Variants in MTMR2 observed in about 807,000 individuals in gnomAD.
MTMR2 encodes myotubularin related protein 2.
In MTMR2, 55 loss-of-function variants were observed where a neutral mutation model predicts 86.9. The ratio of observed to expected loss-of-function variants is 0.63; its 90% CI spans 0.51 to 0.79. The LOEUF (loss-of-function observed/expected upper bound fraction) is 0.79. Ranked by LOEUF, MTMR2 falls within the 30% of genes least tolerant of loss-of-function variation. The pLI is 0.00. For missense variants in MTMR2, 659 were observed against 772.3 expected (o/e 0.85, Z 1.74); for synonymous variants, 241 against 266.8 (o/e 0.90, Z 0.94).
chr11:95,850,771 A>C (rs1370334179), intron 7 of MTMR2, 22 bp from the exon 8 acceptor site: 1 of 1,610,236 alleles, frequency 6.2e-7, no homozygotes, highest in South Asian at 1.1e-5. Flanking sequence ...ATGAAACATA[A>C]GACAAATTAC....
chr11:95,849,125 T>C (rs1565350811), intron 9 of MTMR2, among the ~76,000 whole-genome samples: 2 of 152,166 alleles, frequency 1.3e-5, no homozygotes, highest in African/African-American at 4.8e-5. Context: ...CCTCCTCCTA[T>C]AGATTTGGTC....
intron 2 of MTMR2, chr11:95,887,830 T>G (rs1395556536): frequency 6.9e-6 from 2 of 290,100 alleles, no homozygotes; most frequent in Non-Finnish European, 1.3e-5. Flanking sequence ...AGAACAACGC[T>G]TGGCACACAG....
chr11:95,862,141 TA>T (rs1328858732), intron 4 of MTMR2, 39 bp from the exon 5 acceptor site: 1 of 1,543,088 alleles, frequency 6.5e-7, no homozygotes, highest in Non-Finnish European at 8.9e-7. Context: ...ACTGAGCAAT[TA>T]ATACTGTCCA....
At chr11:95,873,651 T>TAGCAGCAAGAA (rs967483180) in intron 2 of MTMR2, among the ~76,000 whole-genome samples, 2 of 132,868 alleles carry the variant, frequency 1.5e-5, no homozygotes, top group African/African-American at 6.1e-5. Flanking sequence ...TTTTGAATGT[T>TAGCAGCAAGAA]TGCTCTTGCT....
At chr11:95,875,971 A>T (rs370581475) in intron 2 of MTMR2, among the ~76,000 whole-genome samples, 31 of 152,288 alleles carry the variant, frequency 2.0e-4, no homozygotes, top group Middle Eastern at 3.4e-3. Flanking sequence ...GTTTTGTCTC[A>T]GAGAAGTACC....
intron 12 of MTMR2, among the ~76,000 whole-genome samples, chr11:95,839,222 C>T (rs1481160344): frequency 1.3e-5 from 2 of 151,678 alleles, no homozygotes; most frequent in Non-Finnish European, 2.9e-5. Flanking sequence ...CTTACTAGGC[C>T]TTGATTTTTG....
chr11:95,923,814 G>A (rs1867024604), intron 1 of MTMR2, 61 bp downstream of exon 1: 1 of 1,529,380 alleles, frequency 6.5e-7, no homozygotes, highest in Admixed American at 2.0e-5. Flanking sequence ...CAATCCAGCA[G>A]GTCCCCGGCC....
At chr11:95,838,508 AT>A (rs1298092367) in intron 12 of MTMR2, among the ~76,000 whole-genome samples, 1 of 152,042 alleles carries the variant, frequency 6.6e-6, no homozygotes, top group Admixed American at 6.6e-5. Flanking sequence ...CACAAACAAC[AT>A]TAAGATTCTT....
chr11:95,887,116 T>A (rs758792575), intron 2 of MTMR2, among the ~76,000 whole-genome samples: 66 of 152,202 alleles, frequency 4.3e-4, no homozygotes, highest in Non-Finnish European at 7.9e-4. Context: ...TTTACAGATG[T>A]TGTCTTCTTG....
chr11:95,858,657 T>C, intron 5 of MTMR2, 25 bp from the exon 6 acceptor site: 1 of 1,409,210 alleles, frequency 7.1e-7, no homozygotes, highest in Non-Finnish European at 1.0e-6. Flanking sequence ...GGAACCAAGT[T>C]AATAATTGTT....
At chr11:95,866,013 T>C (rs1244489953) in intron 2 of MTMR2, among the ~76,000 whole-genome samples, 2 of 152,184 alleles carry the variant, frequency 1.3e-5, no homozygotes, top group Non-Finnish European at 2.9e-5. Flanking sequence ...CCGAAAGTGG[T>C]AATTAGTTCA....
At chr11:95,876,094 G>T (rs1168482299) in intron 2 of MTMR2, among the ~76,000 whole-genome samples, 1 of 152,196 alleles carries the variant, frequency 6.6e-6, no homozygotes, top group Non-Finnish European at 1.5e-5. Context: ...ATCTCCAGCT[G>T]CGTGCTGGGA....
intron 1 of MTMR2, among the ~76,000 whole-genome samples, chr11:95,914,705 C>T (rs1353276166): frequency 2.0e-5 from 3 of 152,118 alleles, no homozygotes; most frequent in Non-Finnish European, 4.4e-5. Context: ...AACTCATGTC[C>T]TTATCACTAC....
chr11:95,875,040 A>C (rs541630072), intron 2 of MTMR2, among the ~76,000 whole-genome samples: 6,471 of 151,796 alleles, frequency 0.043, 480 homozygotes, highest in African/African-American at 0.15. Flanking sequence ...TTTTTCCTTC[A>C]TTTCAACTTT....
chr11:95,896,276 C>T (rs758739084), intron 1 of MTMR2, among the ~76,000 whole-genome samples: 20 of 151,888 alleles, frequency 1.3e-4, no homozygotes, highest in Admixed American at 3.9e-4. Flanking sequence ...TCTCTTCTTA[C>T]GTATCTTTGC....
At position 95,862,274 on chromosome 11, in the gene MTMR2, G is replaced by A. The variant is rs142774695; in HGVS notation, c.355C>T (p.Arg119Trp). ...CAAAAATCTAATCTGACTCTTACCC[G>A]TTCCATGCTTTTGAAATATAACCTA... ...NYRLYFKSME[R>W]DPPFVLDASL... The change falls in exon 4 of 15, where the codon CGG becomes TGG. Residue 119 changes from arginine to tryptophan, a missense_variant and splice_region_variant. Around this residue, in one of 3 missense-constraint regions of MTMR2, gnomAD observed 387 missense variants for 526.3 expected, o/e 0.74. Coordinates refer to ENST00000346299, the MANE Select transcript of MTMR2 (RefSeq NM_016156.6). 1.7e-5 allele frequency: 28 copies of A among 1,613,136 alleles called. No individual in the cohort carries two copies. The highest frequency in any genetic ancestry group is 3.3e-5 in the South Asian group (3 of 91,062).
intron 1 of MTMR2, among the ~76,000 whole-genome samples, chr11:95,908,585 A>C (rs944661342): frequency 3.9e-5 from 6 of 152,158 alleles, no homozygotes; most frequent in African/African-American, 1.4e-4. Context: ...GCCCAACTTC[A>C]AACTATACTA....
chr11:95,863,457 T>C (rs1284783629), intron 3 of MTMR2, among the ~76,000 whole-genome samples: 5 of 152,198 alleles, frequency 3.3e-5, no homozygotes. Flanking sequence ...TAAACTACTT[T>C]TTTAAATCGT....
chr11:95,873,182 G>A (rs1160446218), intron 2 of MTMR2, among the ~76,000 whole-genome samples: 1 of 152,178 alleles, frequency 6.6e-6, no homozygotes, highest in Non-Finnish European at 1.5e-5. Flanking sequence ...AATAGTTTCA[G>A]AAGGAATGGT....
Sources: gnomAD v4.1 joint callset for allele counts (sites outside exome capture counted in the v4.1 genomes callset) on GRCh38, gnomAD v4.1.1 for gene constraint, gnomAD v4.1.1 regional missense constraint, MANE v1.5 for transcripts, NCBI Gene and HGNC (gene_info 2026-07-23, HGNC 2026-07-21) for gene names.